The following KIF14 variants were observed in gnomAD, a reference collection of about 807,000 sequenced individuals.
KIF14 encodes the protein kinesin family member 14.
A neutral mutation model predicts 176.2 loss-of-function variants in KIF14; 98 were observed. The observed-to-expected ratio is 0.56, with a 90% CI of 0.47 to 0.66. The LOEUF is 0.66. Ranked by LOEUF, KIF14 falls within the 30% of genes least tolerant of loss-of-function variation. The pLI is 0.00. For synonymous variants in KIF14, 566 were observed against 632.2 expected, an observed-to-expected ratio of 0.90 and a Z score of 1.57; for missense variants, 1,751 against 1,920.4, an observed-to-expected ratio of 0.91 and a Z score of 1.65.
At chr1:200,593,444 A>G (rs1411421793) in intron 15 of KIF14, among the ~76,000 whole-genome samples, 1 of 152,262 alleles carries the variant, frequency 6.6e-6, no homozygotes, top group East Asian at 1.9e-4. Flanking sequence ...TATAGGACAC[A>G]TAATGATGCT....
At chr1:200,595,981 G>A (rs914357456) in intron 14 of KIF14, among the ~76,000 whole-genome samples, 2 of 150,516 alleles carry the variant, frequency 1.3e-5, no homozygotes, top group South Asian at 2.1e-4. Context: ...CAGGCCGGTC[G>A]TGGTAGCTCA....
At chr1:200,575,511 G>C in intron 22 of KIF14, 80 bp downstream of exon 22, 1 of 623,978 alleles carries the variant, frequency 1.6e-6, no homozygotes. Flanking sequence ...TAATATATAT[G>C]ATATACAATT....
chr1:200,586,083 A>C lies in KIF14; in HGVS notation c.3241+18T>G. Reference sequence around the variant, plus strand: ...GCATAATTTTAGAAAATGTTTGCTAAAATCAGCACACACTTACCTGTAAAA... The same window carrying C: ...GCATAATTTTAGAAAATGTTTGCTACAATCAGCACACACTTACCTGTAAAA... On this transcript the variant is annotated intron_variant, in intron 19 of 29. Transcript: ENST00000367350. 6.8e-7 allele frequency: 1 copy of C among 1,460,916 alleles called. No individual in the cohort carries two copies. The highest frequency in any genetic ancestry group is 9.2e-7 in the Non-Finnish European group (1 of 1,092,492). The allele number at this position is 1,460,916 out of a possible 1,614,324, so 90.5% of individuals were successfully genotyped here. A position where few individuals can be genotyped will look rare whatever the true frequency, so the allele number is the denominator to read the frequency against.
chr1:200,562,957 C>A (rs1657242928), intron 25 of KIF14, among the ~76,000 whole-genome samples: 1 of 152,118 alleles, frequency 6.6e-6, no homozygotes, highest in Admixed American at 6.5e-5. Flanking sequence ...AGCTAACTGT[C>A]CATTGAGATG....
rs1660524669 is a variant in KIF14, at chr1:200,618,464, C to G, written c.260G>C (p.Arg87Thr). ...TGTAGTTCTCCTCTGAAGTGCCAAT[C>G]TACCTACAGGATTAGGGGTAAGGGG... is the stretch of plus-strand genomic sequence containing the variant. ...DMPLTPNPVG[R>T]LALQRRTTRN... Residue 87 changes from arginine to threonine, a missense_variant, in exon 2 of 30, where the codon AGA becomes ACA. By Grantham distance (71) the Arg-to-Thr change is moderately conservative (BLOSUM62 -1). Coordinates refer to ENST00000367350, the MANE Select transcript of KIF14 (RefSeq NM_014875.3). 6.2e-7 allele frequency: 1 copy of G among 1,614,082 alleles called. No homozygotes were observed. Among genetic ancestry groups the G allele is most frequent in the Non-Finnish European group, 8.5e-7 (1 of 1,180,026 alleles).
At chr1:200,576,612 T>A (rs993420223) in intron 21 of KIF14, among the ~76,000 whole-genome samples, 5 of 152,048 alleles carry the variant, frequency 3.3e-5, no homozygotes, top group Admixed American at 1.3e-4. Flanking sequence ...ATACAAGCAA[T>A]TCATATTAAT....
At chr1:200,591,558 C>T (rs1458519015) in intron 16 of KIF14, among the ~76,000 whole-genome samples, 2 of 152,228 alleles carry the variant, frequency 1.3e-5, no homozygotes, top group African/African-American at 4.8e-5. Flanking sequence ...AAGGATACTA[C>T]TTATGCCAGA....
In KIF14 at chr1:200,577,988, A is replaced by G. The variant is rs544246569; in HGVS notation, c.3465+2266T>C. The stretch of plus-strand genomic sequence containing the variant: ...TTTTTTCGAGGCCAGTTTGTTGATG[A>G]ACGTTTCAAATTATTGCATGGTTAT... On this transcript the variant is annotated intron_variant, in intron 21 of 29. Coordinates refer to ENST00000367350, the MANE Select transcript of KIF14 (RefSeq NM_014875.3). Among the ~76,000 whole-genome samples, 116 of 151,324 alleles carry G rather than the reference A, an allele frequency of 7.7e-4. No homozygotes were observed. In the South Asian group the frequency reaches 0.014, roughly 18 times the overall value.
intron 19 of KIF14, among the ~76,000 whole-genome samples, chr1:200,582,755 C>T (rs952320532): frequency 6.6e-6 from 1 of 151,654 alleles, no homozygotes; most frequent in Non-Finnish European, 1.5e-5. Flanking sequence ...GAGGCTGAGG[C>T]AGGAGAATTG....
In KIF14 at chr1:200,553,737, G is replaced by A; in HGVS notation, c.4598C>T (p.Thr1533Ile). The change falls in exon 30 of 30, where the codon ACT becomes ATT. Residue 1533 changes from threonine to isoleucine, a missense_variant. Coordinates refer to ENST00000367350, the MANE Select transcript of KIF14 (RefSeq NM_014875.3). Reference protein sequence around the residue: ...GCHSDINLLQTCVESIRNLAS... With the variant: ...GCHSDINLLQICVESIRNLAS... ...CAAGTTGCGAATACTTTCAACACAA[G>A]TCTGGAGAAGATTTATATCACTATG... 6.2e-7 allele frequency: 1 copy of A among 1,606,666 alleles called. No individual in the cohort carries two copies. The highest frequency in any genetic ancestry group is 1.1e-5 in the South Asian group (1 of 90,478).
intron 7 of KIF14, 32 bp downstream of exon 7, chr1:200,605,828 TTCTA>T (rs2102744834): frequency 1.6e-6 from 2 of 1,284,180 alleles, no homozygotes; most frequent in East Asian, 5.2e-5. Context: ...ATTATGCTCT[TTCTA>T]TCTAGTGAAA....
chr1:200,617,499 A>C, intron 2 of KIF14, 113 bp downstream of exon 2: 4 of 1,016,700 alleles, frequency 3.9e-6, no homozygotes, highest in Non-Finnish European at 5.8e-6. Flanking sequence ...ATATAAAAGT[A>C]TTGCCAACAA....
intron 23 of KIF14, among the ~76,000 whole-genome samples, chr1:200,566,689 A>C (rs190836281): frequency 2.0e-5 from 3 of 152,002 alleles, no homozygotes; most frequent in African/African-American, 7.2e-5. Context: ...CTGAGCCTCA[A>C]ACTCCTGGGC....
In KIF14 at chr1:200,593,668, T is replaced by C. The variant is rs1276458518; in HGVS notation, c.2651A>G (p.His884Arg). Reference protein sequence around the residue: ...KHILEITVLRHGDRVILGGDH... With the variant: ...KHILEITVLRRGDRVILGGDH... ...ATATTATAGCACCCATCCACTTACA[T>C]GACGTAATACTGTGATTTCCAAAAT... Residue 884 changes from histidine to arginine, a missense_variant and splice_region_variant, in exon 15 of 30, where the codon CAT (histidine) becomes CGT (arginine). Coordinates refer to ENST00000367350, the MANE Select transcript of KIF14 (RefSeq NM_014875.3). 6 of 1,574,208 alleles carry C rather than the reference T, an allele frequency of 3.8e-6. No individual in the cohort carries two copies. Among genetic ancestry groups the C allele is most frequent in the African/African-American group, 1.4e-5 (1 of 74,042 alleles).
At chr1:200,558,956 A>T (rs1027697884) in intron 27 of KIF14, among the ~76,000 whole-genome samples, 1 of 152,216 alleles carries the variant, frequency 6.6e-6, no homozygotes, top group African/African-American at 2.4e-5. Context: ...CAAGATACTG[A>T]ATCAATAAAT....
At chr1:200,585,239 C>CAA (rs759023980) in intron 19 of KIF14, among the ~76,000 whole-genome samples, 3,354 of 91,266 alleles carry the variant, frequency 0.037, 45 homozygotes, top group Non-Finnish European at 0.051. Flanking sequence ...GTCCTCATGA[C>CAA]AAAAAAAAAA....
intron 22 of KIF14, among the ~76,000 whole-genome samples, chr1:200,573,711 A>G (rs946928576): frequency 3.3e-5 from 5 of 152,202 alleles, no homozygotes; most frequent in Non-Finnish European, 7.3e-5. Flanking sequence ...TGACCAATAA[A>G]GCAGAAATAA....
At chr1:200,618,996 T>C (rs1376407129) in intron 1 of KIF14, among the ~76,000 whole-genome samples, 158 bp from the exon 2 acceptor site, 1 of 152,206 alleles carries the variant, frequency 6.6e-6, no homozygotes, top group East Asian at 1.9e-4. Context: ...TTCAGGCAAG[T>C]CTCTCAGAGA....
At chr1:200,603,113 A>G in intron 10 of KIF14, 113 bp downstream of exon 10, 1 of 582,550 alleles carries the variant, frequency 1.7e-6, no homozygotes, top group East Asian at 2.8e-5. Context: ...TCTAGAATTC[A>G]TAATGCTTAC....
Sources: allele counts gnomAD v4.1 joint callset (sites outside exome capture counted in the v4.1 genomes callset), GRCh38; gene constraint gnomAD v4.1.1; transcripts MANE v1.5; gene names NCBI Gene and HGNC (gene_info 2026-07-23, HGNC 2026-07-21).